The following TSNARE1 variants were observed in gnomAD, a reference collection of about 807,000 sequenced individuals.
TSNARE1 encodes t-SNARE domain containing 1.
A neutral mutation model predicts 62.0 loss-of-function variants in TSNARE1; 49 were observed. That is an observed-to-expected ratio of 0.79 (90% CI 0.63 to 1.00). TSNARE1 has a LOEUF of 1.00. Ranked by LOEUF, TSNARE1 falls within the 50% of genes least tolerant of loss-of-function variation. TSNARE1 has a pLI of 0.00. For missense variants in TSNARE1, 755 were observed against 700.1 expected (o/e 1.08, Z -0.88); for synonymous variants, 328 against 294.4 (o/e 1.11, Z -1.17).
intron 6 of TSNARE1, among the ~76,000 whole-genome samples, chr8:142,329,682 G>A (rs1456977781): frequency 6.6e-6 from 1 of 152,230 alleles, no homozygotes; most frequent in Non-Finnish European, 1.5e-5. Flanking sequence ...CCCTCACTGA[G>A]GTCTGACCGT....
intron 6 of TSNARE1, among the ~76,000 whole-genome samples, chr8:142,327,366 G>C (rs1044445715): frequency 2.6e-5 from 4 of 151,980 alleles, no homozygotes; most frequent in Non-Finnish European, 5.9e-5. Context: ...GTGGGAGAGG[G>C]GCACAGCTCT....
intron 1 of TSNARE1, among the ~76,000 whole-genome samples, chr8:142,380,777 G>A (rs1332449239): frequency 2.0e-5 from 3 of 152,106 alleles, no homozygotes; most frequent in Non-Finnish European, 4.4e-5. Context: ...CACCAGGGAC[G>A]GCCCACGGCG....
chr8:142,381,530 A>G (rs551209927), intron 1 of TSNARE1, among the ~76,000 whole-genome samples: 1 of 152,246 alleles, frequency 6.6e-6, no homozygotes, highest in Admixed American at 6.5e-5. Context: ...ACGGTGGCAC[A>G]GGCAGGAGTG....
chr8:142,255,141 C>A (rs1393398870), intron 12 of TSNARE1, among the ~76,000 whole-genome samples: 2 of 151,964 alleles, frequency 1.3e-5, no homozygotes, highest in African/African-American at 4.8e-5. Flanking sequence ...CAGGTGGGGA[C>A]TCTGTCCCCA....
rs181249538 is a variant in TSNARE1 at position 142,346,406 on chromosome 8, G to A, written c.89-514C>T. 4.7e-3 allele frequency among the ~76,000 whole-genome samples: 717 copies of A among 152,338 alleles called. 2 individuals are homozygous for A. The highest frequency in any genetic ancestry group is 6.4e-3 in the Non-Finnish European group (436 of 68,030). ...CAGAGACGCGTGCTCCCCATCTCCC[G>A]GCTCCCAGCCCCCGCACGGAACGCA... On this transcript the variant is annotated intron_variant, in intron 2 of 13. Transcript: ENST00000524325.
At chr8:142,402,765 G>C (rs954559639) in intron 1 of TSNARE1, 4 of 152,366 alleles carry the variant, frequency 2.6e-5, no homozygotes, top group African/African-American at 9.6e-5. Context: ...GCAGGCACCG[G>C]CTGCCCGGCC....
chr8:142,369,425 AAAATCAATC>A (rs1170962205), intron 1 of TSNARE1, among the ~76,000 whole-genome samples: 1 of 152,234 alleles, frequency 6.6e-6, no homozygotes, highest in Non-Finnish European at 1.5e-5. Flanking sequence ...AATTGAAGTC[AAAATCAATC>A]AAATCAATCA....
chr8:142,218,151 T>TGTGTGACCAGGATCAGAGTTCAGA (rs1816021366), intron 13 of TSNARE1, among the ~76,000 whole-genome samples: 1 of 59,840 alleles, frequency 1.7e-5, no homozygotes, highest in Non-Finnish European at 3.5e-5. Flanking sequence ...TCAGGCTCAG[T>TGTGTGACCAGGATCAGAGTTCAGA]GTGTGGCCAG....
At chr8:142,284,999 C>A (rs986015706) in intron 10 of TSNARE1, among the ~76,000 whole-genome samples, 3 of 152,232 alleles carry the variant, frequency 2.0e-5, no homozygotes, top group African/African-American at 7.2e-5. Context: ...GGCCAGCACA[C>A]AGGCACTGCT....
At chr8:142,257,136 C>G (rs563906876) in intron 12 of TSNARE1, among the ~76,000 whole-genome samples, 21 of 152,234 alleles carry the variant, frequency 1.4e-4, no homozygotes, top group African/African-American at 2.2e-4. Context: ...CTCATCACCT[C>G]TCTCCGAGGG....
At chr8:142,230,294 A>C (rs1817040301) in intron 12 of TSNARE1, among the ~76,000 whole-genome samples, 1 of 152,188 alleles carries the variant, frequency 6.6e-6, no homozygotes, top group African/African-American at 2.4e-5. Flanking sequence ...GCTTAAATGA[A>C]ATGGTAAGTA....
At chr8:142,226,765 AG>A (rs1346883015) in intron 13 of TSNARE1, among the ~76,000 whole-genome samples, 1 of 152,098 alleles carries the variant, frequency 6.6e-6, no homozygotes, top group Admixed American at 6.5e-5. Context: ...TCCCGGCATA[AG>A]GAAGCAGCAG....
intron 12 of TSNARE1, among the ~76,000 whole-genome samples, chr8:142,259,793 T>C (rs1193305095): frequency 6.6e-6 from 1 of 152,150 alleles, no homozygotes; most frequent in Non-Finnish European, 1.5e-5. Flanking sequence ...AGGATTAGAA[T>C]ACCGAGTTGC....
In TSNARE1 at chr8:142,313,640, GCT is replaced by G. The variant is rs925010220; in HGVS notation, c.1131+742_1131+743del. ...GTCTCTGTGTATCTGTGTGTCTCTA[GCT>G]CTGTCTCTGCAAGTCTCTGTGTGTC... On this transcript the variant is annotated intron_variant, in intron 9 of 13. Transcript: ENST00000524325. Among the ~76,000 whole-genome samples, 9 of 148,988 alleles carry G rather than the reference GCT, an allele frequency of 6.0e-5. No individual in the cohort carries two copies. In the South Asian group the frequency reaches 1.7e-3, roughly 28 times the overall value.
intron 2 of TSNARE1, among the ~76,000 whole-genome samples, chr8:142,351,027 A>G (rs1834033102): frequency 6.6e-6 from 1 of 152,254 alleles, no homozygotes; most frequent in Non-Finnish European, 1.5e-5. Flanking sequence ...ATCTGGTCAC[A>G]CATAAAAGGA....
At chr8:142,232,590 C>T (rs1283693451) in intron 12 of TSNARE1, among the ~76,000 whole-genome samples, 1 of 152,208 alleles carries the variant, frequency 6.6e-6, no homozygotes, top group African/African-American at 2.4e-5. Flanking sequence ...CGAGGGAGCA[C>T]CTGCGGAAGA....
chr8:142,273,753 T>C (rs573798819), intron 12 of TSNARE1: 30 of 985,358 alleles, frequency 3.0e-5, no homozygotes, highest in Middle Eastern at 5.2e-4. Flanking sequence ...AGCCCTGGCC[T>C]TTCCCTCATT....
intron 11 of TSNARE1, among the ~76,000 whole-genome samples, chr8:142,279,366 G>A (rs1821021698): frequency 6.6e-6 from 1 of 152,200 alleles, no homozygotes; most frequent in Non-Finnish European, 1.5e-5. Context: ...GGGCCTTGGA[G>A]GGCACCAGGG....
intron 4 of TSNARE1, among the ~76,000 whole-genome samples, chr8:142,342,082 G>A (rs567041950): frequency 6.6e-6 from 1 of 152,370 alleles, no homozygotes; most frequent in African/African-American, 2.4e-5. Flanking sequence ...ACACAGCAAA[G>A]GGGAGGCCCT....
Sources: gnomAD v4.1 joint callset for allele counts (sites outside exome capture counted in the v4.1 genomes callset) on GRCh38, gnomAD v4.1.1 for gene constraint, MANE v1.5 for transcripts, NCBI Gene and HGNC (gene_info 2026-07-23, HGNC 2026-07-21) for gene names.